CEP170: variants seen among roughly 807,000 people sequenced by gnomAD.
CEP170 encodes the protein centrosomal protein of 170 kDa.
CEP170 carries 21 observed loss-of-function variants against 151.9 expected under a neutral mutation model. The observed-to-expected ratio is 0.14, with a 90% CI of 0.10 to 0.20. The LOEUF (loss-of-function observed/expected upper bound fraction) is 0.20, where lower values mean the gene tolerates loss of function less well. CEP170 is among the 10% of genes least tolerant of loss of function. The pLI is 1.00. For synonymous variants in CEP170, 356 were observed against 648.8 expected, an observed-to-expected ratio of 0.55 and a Z score of 6.86; for missense variants, 964 against 1,892.9, an observed-to-expected ratio of 0.51 and a Z score of 9.11.
intron 14 of CEP170, among the ~76,000 whole-genome samples, chr1:243,152,748 G>T (rs1414092046): frequency 1.3e-5 from 2 of 150,928 alleles, no homozygotes; most frequent in African/African-American, 4.9e-5. Context: ...AGCCAGGATG[G>T]TCTCTATCTC....
chr1:243,185,619 A>G lies in CEP170; in HGVS notation c.1566+160T>C, dbSNP rs1472638241. 6.6e-6 allele frequency among the ~76,000 whole-genome samples: 1 copy of G among 152,196 alleles called. No homozygotes were observed. The highest frequency in any genetic ancestry group is 6.5e-5 in the Admixed American group (1 of 15,280). On this transcript the variant is annotated intron_variant, in intron 10 of 19. Transcript: ENST00000366542. The surrounding 1 kb of genome is among the most constrained non-coding windows in gnomAD (Gnocchi z 4.9). ...ATATCAGCAAATAAAATCACAAAGC[A>G]TGTTGGTCTTACTGTTAAGTCTTGC...
At chr1:243,177,862 G>A (rs536810239) in intron 10 of CEP170, among the ~76,000 whole-genome samples, 1 of 152,220 alleles carries the variant, frequency 6.6e-6, no homozygotes, top group African/African-American at 2.4e-5. Flanking sequence ...CACAGAAAGG[G>A]AGTCAGGAGA....
intron 1 of CEP170, among the ~76,000 whole-genome samples, chr1:243,249,593 CTGAA>C (rs1433564938): frequency 6.6e-5 from 10 of 151,972 alleles, no homozygotes; most frequent in Admixed American, 1.3e-4. Flanking sequence ...TGAAAACTAC[CTGAA>C]TGAACACTTG....
At chr1:243,211,616 G>C in intron 4 of CEP170, 1 of 323,798 alleles carries the variant, frequency 3.1e-6, no homozygotes, top group South Asian at 3.9e-5. Flanking sequence ...AATTATATAT[G>C]CAATAGCACT....
At chr1:243,190,935 A>C in intron 8 of CEP170, 83 bp downstream of exon 8, 1 of 1,431,718 alleles carries the variant, frequency 7.0e-7, no homozygotes, top group South Asian at 1.5e-5. Flanking sequence ...CTACCATGTA[A>C]GTATCTACTA....
chr1:243,213,980 G>A (rs1205778429), intron 3 of CEP170, among the ~76,000 whole-genome samples: 2 of 152,062 alleles, frequency 1.3e-5, no homozygotes, highest in African/African-American at 4.8e-5. Flanking sequence ...CAAAGTGCTG[G>A]GATTACAGGT....
chr1:243,233,516 G>T (rs1031849445), intron 1 of CEP170, among the ~76,000 whole-genome samples: 1 of 151,868 alleles, frequency 6.6e-6, no homozygotes, highest in East Asian at 1.9e-4. Flanking sequence ...GGCAGATCAC[G>T]AGGTCAGGAG....
At chr1:243,238,992 G>A (rs1316099788) in intron 1 of CEP170, among the ~76,000 whole-genome samples, 1 of 151,954 alleles carries the variant, frequency 6.6e-6, no homozygotes, top group South Asian at 2.1e-4. Flanking sequence ...CTGTTTTTAC[G>A]GGGTTACTTC....
chr1:243,158,543 A>G (rs1006117901), intron 13 of CEP170, among the ~76,000 whole-genome samples: 1 of 152,196 alleles, frequency 6.6e-6, no homozygotes, highest in African/African-American at 2.4e-5. Context: ...AGAAGGAGAA[A>G]TTGAGTACCA....
intron 4 of CEP170, among the ~76,000 whole-genome samples, chr1:243,202,649 A>G (rs1421543417): frequency 1.3e-5 from 2 of 152,038 alleles, no homozygotes; most frequent in African/African-American, 2.4e-5. Flanking sequence ...ATTGCTTTCT[A>G]TCTGATGTGG....
At chr1:243,209,636 TG>T (rs1275011625) in intron 4 of CEP170, among the ~76,000 whole-genome samples, 2 of 152,012 alleles carry the variant, frequency 1.3e-5, no homozygotes, top group African/African-American at 4.8e-5. Context: ...ATATAAAACC[TG>T]CTTTTAAAAT....
rs569288429 is a variant in CEP170 at position 243,245,988 on chromosome 1, G to A, written c.-42+9052C>T. Among the ~76,000 whole-genome samples the A allele has an allele frequency of 3.3e-5, 5 of 151,840 alleles. No homozygotes were observed. In the South Asian group the frequency reaches 6.3e-4, roughly 19 times the overall value. On this transcript the variant is annotated intron_variant, in intron 1 of 19. Transcript: ENST00000366542. ...AGAAAGCAAATTTTAAAAAAGATAC[G>A]TAATATTCAGCACTGATGAAGGGGT...
At chr1:243,147,352 T>A (rs1454350625) in intron 14 of CEP170, among the ~76,000 whole-genome samples, 1 of 152,270 alleles carries the variant, frequency 6.6e-6, no homozygotes, top group Non-Finnish European at 1.5e-5. Context: ...GGATATCTTC[T>A]TTCTTTTTTA....
chr1:243,216,846 C>T (rs890168813), intron 3 of CEP170, among the ~76,000 whole-genome samples: 1 of 152,166 alleles, frequency 6.6e-6, no homozygotes, highest in Non-Finnish European at 1.5e-5. Flanking sequence ...ACTCTAACTT[C>T]AGGTTCATTT....
chr1:243,135,975 G>C, intron 17 of CEP170, 168 bp downstream of exon 17: 1 of 847,232 alleles, frequency 1.2e-6, no homozygotes, highest in Non-Finnish European at 1.8e-6. Flanking sequence ...TTTATGTTTT[G>C]AATTACTAAT....
intron 11 of CEP170, among the ~76,000 whole-genome samples, chr1:243,170,969 G>A (rs1432898758): frequency 1.3e-5 from 2 of 152,208 alleles, no homozygotes; most frequent in Non-Finnish European, 2.9e-5. Flanking sequence ...CCAACAGTAT[G>A]AGCGTCACTG....
chr1:243,242,636 C>G (rs535023062), intron 1 of CEP170, among the ~76,000 whole-genome samples: 1 of 152,296 alleles, frequency 6.6e-6, no homozygotes, highest in African/African-American at 2.4e-5. Flanking sequence ...CTAAACTTTA[C>G]TTTATTTACC....
At chr1:243,132,433 C>G (rs2054533910) in intron 17 of CEP170, among the ~76,000 whole-genome samples, 1 of 152,168 alleles carries the variant, frequency 6.6e-6, no homozygotes, top group African/African-American at 2.4e-5. Flanking sequence ...ACACTGGAAA[C>G]TCTTTAATAA....
At chr1:243,178,652 C>T (rs1438797291) in intron 10 of CEP170, among the ~76,000 whole-genome samples, 1 of 151,830 alleles carries the variant, frequency 6.6e-6, no homozygotes, top group Non-Finnish European at 1.5e-5. Flanking sequence ...CTTTAAATGG[C>T]TAAAATAGTC....
Sources: allele counts gnomAD v4.1 joint callset (sites outside exome capture counted in the v4.1 genomes callset), GRCh38; gene constraint gnomAD v4.1.1; non-coding constraint Gnocchi (gnomAD v3.1); transcripts MANE v1.5; gene names NCBI Gene and HGNC (gene_info 2026-07-23, HGNC 2026-07-21).